Variants in LRP1B observed in about 807,000 individuals in gnomAD.
LRP1B encodes the protein low-density lipoprotein receptor-related protein 1B.
A neutral mutation model predicts 556.6 loss-of-function variants in LRP1B; 217 were observed. That is an observed-to-expected ratio of 0.39 (90% CI 0.35 to 0.44). The LOEUF is 0.44. Among genes scored for constraint, LRP1B ranks in the 20% least tolerant of loss-of-function variants. The pLI is 1.00. For synonymous variants in LRP1B, 2,047 were observed against 1,865.8 expected (o/e 1.10, Z -2.50); for missense variants, 5,053 against 5,620.8 (o/e 0.90, Z 3.23).
intron 23 of LRP1B, among the ~76,000 whole-genome samples, chr2:140,888,816 A>T (rs927403286): frequency 1.3e-5 from 2 of 151,800 alleles, no homozygotes; most frequent in African/African-American, 4.8e-5. Flanking sequence ...ATACAAAATT[A>T]TCCAGACATG....
intron 7 of LRP1B, among the ~76,000 whole-genome samples, chr2:141,125,833 C>T (rs1701188666): frequency 8.9e-6 from 1 of 112,796 alleles, no homozygotes; most frequent in Admixed American, 1.0e-4. Context: ...GTCTGTAACT[C>T]CTTTCAAATG....
intron 2 of LRP1B, among the ~76,000 whole-genome samples, chr2:141,715,579 C>A (rs574831311): frequency 6.6e-6 from 1 of 152,264 alleles, no homozygotes; most frequent in South Asian, 2.1e-4. Flanking sequence ...CTTTGGGAGG[C>A]TGAGGCAGCC....
intron 84 of LRP1B, among the ~76,000 whole-genome samples, chr2:140,276,848 G>A (rs751497263): frequency 1.1e-4 from 16 of 151,738 alleles, no homozygotes; most frequent in African/African-American, 2.2e-4. Flanking sequence ...TTCCAGTGCC[G>A]TTCCCTGCCA....
chr2:141,096,162 T>C (rs1008677705), intron 7 of LRP1B, among the ~76,000 whole-genome samples: 4 of 152,180 alleles, frequency 2.6e-5, no homozygotes, highest in Non-Finnish European at 5.9e-5. Context: ...AAATATGTTA[T>C]AATAAATTAG....
intron 46 of LRP1B, 64 bp downstream of exon 46, chr2:140,536,517 A>C (rs569786560): frequency 6.5e-6 from 10 of 1,538,728 alleles, no homozygotes; most frequent in Non-Finnish European, 7.9e-6. Context: ...AGACAAGCAA[A>C]CCAAAAACTG....
chr2:141,567,837 C>G lies in LRP1B; in HGVS notation c.206-87304G>C, dbSNP rs115030171. On this transcript the variant is annotated intron_variant, in intron 2 of 90. Coordinates refer to ENST00000389484, the MANE Select transcript of LRP1B (RefSeq NM_018557.3). ...CCCCTAGGAAACCAATTTCCTAATA[C>G]AGGCTTAGCCTGGATTTATATTGGA... Among the ~76,000 whole-genome samples, 5 of 114,252 alleles carry G rather than the reference C, an allele frequency of 4.4e-5. 1 individual carries two copies. The Admixed American group carries it at 4.8e-4, about 11-fold the overall frequency. 75.0% of individuals were successfully genotyped at this position (114,252 alleles called of 152,430 possible).
intron 35 of LRP1B, among the ~76,000 whole-genome samples, chr2:140,748,134 T>TTC (rs1688388075): frequency 8.7e-5 from 1 of 11,464 alleles, no homozygotes; most frequent in East Asian, 4.1e-3. Flanking sequence ...TATATATATA[T>TTC]ATAATTCATA....
At position 140,511,569 on chromosome 2, in the gene LRP1B, G is replaced by C. The variant is rs967078491; in HGVS notation, c.8270-1513C>G. On this transcript the variant is annotated intron_variant, in intron 51 of 90. Transcript: ENST00000389484. ...GCCCGCCTCGGTCTCCCAAAGTGCT[G>C]GGGTTACAGGCGTGAGCCACCGCGC... Among the ~76,000 whole-genome samples the C allele has an allele frequency of 2.6e-4, 40 of 152,190 alleles. 1 individual carries two copies. The highest frequency in any genetic ancestry group is 9.6e-4 in the African/African-American group (40 of 41,540).
At chr2:141,300,846 T>C (rs1686364534) in intron 3 of LRP1B, among the ~76,000 whole-genome samples, 1 of 152,164 alleles carries the variant, frequency 6.6e-6, no homozygotes, top group Admixed American at 6.6e-5. Flanking sequence ...ATTACCCAGC[T>C]TCAGATGTTT....
chr2:141,239,472 AC>A (rs1371665032), intron 5 of LRP1B, among the ~76,000 whole-genome samples: 2 of 152,246 alleles, frequency 1.3e-5, no homozygotes, highest in South Asian at 2.1e-4. Context: ...CATCTTTACA[AC>A]TTGCTTGTAT....
intron 1 of LRP1B, among the ~76,000 whole-genome samples, chr2:142,018,365 CTAAACTT>C (rs1273941606): frequency 6.6e-6 from 1 of 152,154 alleles, no homozygotes; most frequent in Admixed American, 6.5e-5. Flanking sequence ...CACCTCAACT[CTAAACTT>C]TATAACATAT....
intron 4 of LRP1B, among the ~76,000 whole-genome samples, chr2:141,251,880 T>C (rs565430841): frequency 6.6e-6 from 1 of 152,244 alleles, no homozygotes; most frequent in Admixed American, 6.5e-5. Context: ...AAGGGCACTG[T>C]AGCAGAAGCT....
intron 35 of LRP1B, among the ~76,000 whole-genome samples, chr2:140,724,736 C>T (rs1487183083): frequency 6.6e-6 from 1 of 152,022 alleles, no homozygotes; most frequent in African/African-American, 2.4e-5. Context: ...AAGCTTATGG[C>T]TGTAGGAAGT....
chr2:140,498,534 A>T (rs903999484), intron 55 of LRP1B, among the ~76,000 whole-genome samples: 1 of 151,970 alleles, frequency 6.6e-6, no homozygotes, highest in Middle Eastern at 3.4e-3. Context: ...CACAGTCCAT[A>T]AGGTCTAAAT....
intron 60 of LRP1B, among the ~76,000 whole-genome samples, chr2:140,467,165 T>C (rs888055595): frequency 2.6e-5 from 4 of 152,282 alleles, no homozygotes; most frequent in Admixed American, 2.0e-4. Context: ...ATCTCAAATT[T>C]ATAACAAATT....
intron 2 of LRP1B, among the ~76,000 whole-genome samples, chr2:141,762,744 A>G (rs1459949201): frequency 6.6e-6 from 1 of 152,122 alleles, no homozygotes; most frequent in Non-Finnish European, 1.5e-5. Flanking sequence ...TACTTGCGTG[A>G]CTATAGTGTT....
intron 32 of LRP1B, among the ~76,000 whole-genome samples, chr2:140,794,494 C>T (rs1291042848): frequency 9.5e-4 from 49 of 51,458 alleles, no homozygotes; most frequent in African/African-American, 1.8e-3. Context: ...CACACACACA[C>T]ACACACACAC....
At chr2:140,383,548 T>C (rs996045026) in intron 67 of LRP1B, among the ~76,000 whole-genome samples, 1 of 152,158 alleles carries the variant, frequency 6.6e-6, no homozygotes, top group Non-Finnish European at 1.5e-5. Context: ...CTATTCAAAA[T>C]AGTATCTTCA....
intron 11 of LRP1B, among the ~76,000 whole-genome samples, chr2:141,045,148 T>G (rs1698830408): frequency 7.6e-6 from 1 of 131,654 alleles, no homozygotes; most frequent in South Asian, 2.9e-4. Context: ...GAAATCATCA[T>G]TCTCAGTAAA....
Sources: allele counts gnomAD v4.1 joint callset (sites outside exome capture counted in the v4.1 genomes callset), GRCh38; gene constraint gnomAD v4.1.1; transcripts MANE v1.5; gene names NCBI Gene and HGNC (gene_info 2026-07-23, HGNC 2026-07-21).